The following STYXL2 variants were observed in gnomAD, a reference collection of about 807,000 sequenced individuals.
STYXL2 encodes the protein serine/threonine/tyrosine-interacting-like protein 2.
A neutral mutation model predicts 52.4 loss-of-function variants in STYXL2; 44 were observed. That is an observed-to-expected ratio of 0.84 (90% CI 0.66 to 1.08). The LOEUF (loss-of-function observed/expected upper bound fraction) is 1.08. STYXL2 is among the 50% of genes least tolerant of loss of function. STYXL2 has a pLI of 0.00. For missense variants in STYXL2, 1,604 were observed against 1,471.7 expected, an observed-to-expected ratio of 1.09 and a Z score of -1.47; for synonymous variants, 604 against 586.9, an observed-to-expected ratio of 1.03 and a Z score of -0.42.
Position 167,117,363 on chromosome 1 carries a change from T to A in STYXL2, c.241T>A (p.Cys81Ser), listed in dbSNP as rs1223715955. The stretch of plus-strand genomic sequence containing the variant: ...ACCGGGGGTCAGAGCAGACGCAGAG[T>A]GTCCAGGCATGCTGGAGTCTGCTGA... ...KPPGVRADAE[C>S]PGMLESAEQL... Residue 81 changes from cysteine to serine, a missense_variant, in exon 4 of 6, where the codon TGT becomes AGT. Coordinates refer to ENST00000361200, the MANE Select transcript of STYXL2 (RefSeq NM_001080426.3). The A allele has an allele frequency of 6.2e-7, 1 of 1,611,610 alleles. No homozygotes were observed.
At chr1:167,124,617 C>T (rs1386275934) in intron 5 of STYXL2, among the ~76,000 whole-genome samples, 5 of 152,112 alleles carry the variant, frequency 3.3e-5, no homozygotes, top group South Asian at 2.1e-4. Context: ...AGTCAAGACT[C>T]GCAAAAGCTC....
chr1:167,114,863 T>C (rs766343837), intron 3 of STYXL2, among the ~76,000 whole-genome samples: 1 of 152,162 alleles, frequency 6.6e-6, no homozygotes, highest in Non-Finnish European at 1.5e-5. Flanking sequence ...TTCACCCTGG[T>C]CCAGTTCTCT....
rs530572116 is a variant in STYXL2, at chr1:167,119,166, G to A, written c.438-83G>A. Reference sequence around the variant, plus strand: ...ACTTGCCCAGCTGTGGCCCTAGACTGGCTGAGGCAGGCTCACCGTCACAGT... The same window carrying A: ...ACTTGCCCAGCTGTGGCCCTAGACTAGCTGAGGCAGGCTCACCGTCACAGT... On this transcript the variant is annotated intron_variant, in intron 4 of 5. Transcript: ENST00000361200. 23 of 1,339,742 alleles carry A rather than the reference G, an allele frequency of 1.7e-5. No homozygotes were observed. The East Asian group carries it at 5.1e-4, about 30-fold the overall frequency. 83.0% of individuals were successfully genotyped at this position (1,339,742 alleles called of 1,614,324 possible).
Position 167,128,259 on chromosome 1 carries a change from G to A in STYXL2, c.3128G>A (p.Arg1043His), listed in dbSNP as rs373097210. The change falls in exon 6 of 6, where the codon CGC (arginine) becomes CAC (histidine). Residue 1043 changes from arginine (R) to histidine (H), a missense_variant. Transcript: ENST00000361200. Reference protein sequence around the residue: ...REESPEPYFFRRTPESSEREE... With the variant: ...REESPEPYFFHRTPESSEREE... ...GAGAGCCCAGAGCCCTACTTCTTCC[G>A]CCGGACCCCAGAGTCCTCAGAAAGG... 3.5e-5 allele frequency: 56 copies of A among 1,614,136 alleles called. No individual in the cohort carries two copies. The East Asian group carries it at 5.4e-4, about 15-fold the overall frequency.
intron 2 of STYXL2, among the ~76,000 whole-genome samples, chr1:167,113,134 G>A (rs1032106837): frequency 1.1e-4 from 12 of 105,176 alleles, no homozygotes; most frequent in African/African-American, 4.5e-4. Context: ...CCTGACTCTC[G>A]ATTTCATGTG....
chr1:167,128,095 G>A lies in STYXL2; in HGVS notation c.2964G>A (p.Gln988=), dbSNP rs750687638. 1.9e-6 allele frequency: 3 copies of A among 1,614,208 alleles called. No individual in the cohort carries two copies. The highest frequency in any genetic ancestry group is 2.5e-6 in the Non-Finnish European group (3 of 1,180,034). Residue 988 remains glutamine, a synonymous_variant, in exon 6 of 6, where the codon CAG becomes CAA. Transcript: ENST00000361200. ...TTTCCAAATCCCAGTCAGAGGAACA[G>A]GACACCTCCTCCTACCACGAGGCAA... The part of the protein sequence containing the change: ...YKFSKSQSEE[Q]DTSSYHEANG...
chr1:167,113,942 T>G (rs1667671126), intron 3 of STYXL2, 138 bp downstream of exon 3: 1 of 712,792 alleles, frequency 1.4e-6, no homozygotes. Context: ...CAGAAGGCAG[T>G]TCTGCCAACC....
chr1:167,119,751 A>T (rs1248492289), intron 5 of STYXL2, among the ~76,000 whole-genome samples: 1 of 152,204 alleles, frequency 6.6e-6, no homozygotes, highest in Non-Finnish European at 1.5e-5. Context: ...AATGAAAAAA[A>T]GAGAAAAAAA....
chr1:167,123,826 G>T (rs1667906494), intron 5 of STYXL2, among the ~76,000 whole-genome samples: 1 of 152,192 alleles, frequency 6.6e-6, no homozygotes, highest in African/African-American at 2.4e-5. Context: ...GTTTTGCCAT[G>T]TTGGCCAGGC....
intron 5 of STYXL2, 69 bp from the exon 6 acceptor site, chr1:167,125,718 A>C: frequency 6.7e-7 from 1 of 1,495,086 alleles, no homozygotes; most frequent in Non-Finnish European, 8.9e-7. Flanking sequence ...ACCAAAGAAA[A>C]CAAACAAACA....
chr1:167,127,175 C>A lies in STYXL2; in HGVS notation c.2044C>A (p.Gln682Lys). 3.1e-6 allele frequency: 5 copies of A among 1,614,170 alleles called. No individual in the cohort carries two copies. In the South Asian group the frequency reaches 5.5e-5, roughly 18 times the overall value. ...DGDTTSVLST[Q>K]SHRSHLSQAA... ...GGACACGACGTCAGTACTGAGCACC[C>A]AGAGCCACCGCTCCCACCTGTCTCA... Residue 682 changes from glutamine to lysine, a missense_variant, in exon 6 of 6, where the codon CAG (glutamine) becomes AAG (lysine). Gln to Lys is a moderately conservative substitution (Grantham distance 53). Coordinates refer to ENST00000361200, the MANE Select transcript of STYXL2 (RefSeq NM_001080426.3).
chr1:167,125,249 T>C (rs942741656), intron 5 of STYXL2, among the ~76,000 whole-genome samples: 2 of 152,162 alleles, frequency 1.3e-5, no homozygotes, highest in Non-Finnish European at 2.9e-5. Flanking sequence ...TTTGAAGCAC[T>C]AGAGTGATCC....
At chr1:167,104,886 G>A (rs1571333941) in intron 2 of STYXL2, among the ~76,000 whole-genome samples, 1 of 152,270 alleles carries the variant, frequency 6.6e-6, no homozygotes, top group South Asian at 2.1e-4. Context: ...TGGGCTGAAG[G>A]ACCCCAATTC....
rs549943782 is a variant in STYXL2, at chr1:167,115,875, G to T, written c.206-1453G>T. On this transcript the variant is annotated intron_variant, in intron 3 of 5. Coordinates refer to ENST00000361200, the MANE Select transcript of STYXL2 (RefSeq NM_001080426.3). ...CTCAGGGGGGTTAGAGGAGGGAAGAGAGAAGGGAAATGAAATCCTGAGCCC... is the reference window on the plus strand; with the variant it reads ...CTCAGGGGGGTTAGAGGAGGGAAGATAGAAGGGAAATGAAATCCTGAGCCC... 1.2e-4 allele frequency among the ~76,000 whole-genome samples: 19 copies of T among 152,288 alleles called. No homozygotes were observed. The South Asian group carries it at 3.7e-3, about 30-fold the overall frequency.
At position 167,113,717 on chromosome 1, in the gene STYXL2, A is replaced by G. The variant is rs746954001; in HGVS notation, c.118A>G (p.Met40Val). ...LRSPSPSQYSMVSDAETESIF... is the reference protein window; with the variant it reads ...LRSPSPSQYSVVSDAETESIF... ...AATATCCTCTTCCCTTAGGTATTCG[A>G]TGGTCTCAGATGCAGAAACAGAAAG... The change falls in exon 3 of 6, where the codon ATG becomes GTG. Residue 40 changes from methionine to valine, a missense_variant. Transcript: ENST00000361200. 2.5e-6 allele frequency: 4 copies of G among 1,612,746 alleles called. No individual in the cohort carries two copies. In the East Asian group the frequency reaches 8.9e-5, roughly 36 times the overall value.
intron 4 of STYXL2, among the ~76,000 whole-genome samples, chr1:167,118,496 C>T (rs1667778822): frequency 6.6e-6 from 1 of 152,156 alleles, no homozygotes; most frequent in South Asian, 2.1e-4. Flanking sequence ...GAGCTGGGCA[C>T]CAAGTCTTAA....
chr1:167,128,685 A>G lies in STYXL2; in HGVS notation c.*77A>G. The stretch of plus-strand genomic sequence containing the variant: ...CTCAGGGCACACGTTGCCACCACTC[A>G]TCGCAGGATGAGGATACAGAGAGGA... On this transcript the variant is annotated 3_prime_UTR_variant, in exon 6 of 6. Transcript: ENST00000361200. 6.7e-7 allele frequency: 1 copy of G among 1,496,288 alleles called. No homozygotes were observed. The highest frequency in any genetic ancestry group is 8.8e-7 in the Non-Finnish European group (1 of 1,132,578). 92.7% of individuals were successfully genotyped at this position (1,496,288 alleles called of 1,614,324 possible). A position where few individuals can be genotyped will look rare whatever the true frequency, so the allele number is the denominator to read the frequency against.
chr1:167,124,170 A>G (rs565580548), intron 5 of STYXL2, among the ~76,000 whole-genome samples: 4 of 152,138 alleles, frequency 2.6e-5, no homozygotes, highest in Admixed American at 2.6e-4. Flanking sequence ...TTGTCCTCCC[A>G]AAGTGCTGGG....
At chr1:167,111,918 C>T (rs1667631042) in intron 2 of STYXL2, among the ~76,000 whole-genome samples, 1 of 152,046 alleles carries the variant, frequency 6.6e-6, no homozygotes, top group African/African-American at 2.4e-5. Flanking sequence ...ATTAGCAGAA[C>T]AATTATTTTG....
Sources: gnomAD v4.1 joint callset for allele counts (sites outside exome capture counted in the v4.1 genomes callset) on GRCh38, gnomAD v4.1.1 for gene constraint, MANE v1.5 for transcripts, NCBI Gene and HGNC (gene_info 2026-07-23, HGNC 2026-07-21) for gene names.